Variants in FBXL7 observed in about 807,000 individuals in gnomAD.
FBXL7 encodes the protein F-box/LRR-repeat protein 7.
A neutral mutation model predicts 38.3 loss-of-function variants in FBXL7; 12 were observed. That is an observed-to-expected ratio of 0.31 (90% CI 0.20 to 0.51). The LOEUF (loss-of-function observed/expected upper bound fraction) is 0.51. FBXL7 is among the 20% of genes least tolerant of loss of function. The pLI, the probability that FBXL7 is intolerant of heterozygous loss-of-function variation, is 0.98. For synonymous variants in FBXL7, 297 were observed against 300.9 expected (o/e 0.99, Z 0.13); for missense variants, 567 against 676.4 (o/e 0.84, Z 1.79).
intron 2 of FBXL7, among the ~76,000 whole-genome samples, chr5:15,833,590 T>A (rs1334741224): frequency 6.6e-6 from 1 of 152,202 alleles, no homozygotes; most frequent in Admixed American, 6.5e-5. Flanking sequence ...AAGACTCTCC[T>A]CTCTAAAGCA....
At chr5:15,676,378 T>G (rs1300005203) in intron 2 of FBXL7, among the ~76,000 whole-genome samples, 1 of 152,258 alleles carries the variant, frequency 6.6e-6, no homozygotes, top group East Asian at 1.9e-4. Context: ...CTTTTTGATC[T>G]TTAAAATGCA....
chr5:15,863,813 C>T (rs979160367), intron 2 of FBXL7, among the ~76,000 whole-genome samples: 3 of 152,198 alleles, frequency 2.0e-5, no homozygotes, highest in African/African-American at 7.2e-5. Flanking sequence ...TGCTTCCTCT[C>T]TTTGTATGCT....
At chr5:15,882,442 G>T (rs1740495867) in intron 2 of FBXL7, among the ~76,000 whole-genome samples, 1 of 152,110 alleles carries the variant, frequency 6.6e-6, no homozygotes, top group African/African-American at 2.4e-5. Context: ...TTGGTGTTGG[G>T]GTTGTAGAGC....
At chr5:15,756,398 A>G (rs1736297120) in intron 2 of FBXL7, among the ~76,000 whole-genome samples, 1 of 152,172 alleles carries the variant, frequency 6.6e-6, no homozygotes, top group African/African-American at 2.4e-5. Flanking sequence ...TAAAAATCTT[A>G]CTTACCTCAT....
chr5:15,644,269 G>T (rs1016736991), intron 2 of FBXL7, among the ~76,000 whole-genome samples: 4 of 143,826 alleles, frequency 2.8e-5, no homozygotes, highest in African/African-American at 1.0e-4. Context: ...GACCAGCCTG[G>T]CCAACATGGA....
chr5:15,902,340 T>C (rs866102426), intron 2 of FBXL7, among the ~76,000 whole-genome samples: 1 of 152,210 alleles, frequency 6.6e-6, no homozygotes, highest in Non-Finnish European at 1.5e-5. Flanking sequence ...AAACGTTGCA[T>C]CCGTGTCCAC....
chr5:15,611,514 A>G (rs1740235029), intron 1 of FBXL7, among the ~76,000 whole-genome samples: 1 of 152,134 alleles, frequency 6.6e-6, no homozygotes, highest in South Asian at 2.1e-4. Context: ...AATAATATGT[A>G]TTAAATAAGA....
chr5:15,659,234 T>C (rs2126581794), intron 2 of FBXL7, among the ~76,000 whole-genome samples: 1 of 149,880 alleles, frequency 6.7e-6, no homozygotes, highest in South Asian at 2.1e-4. Flanking sequence ...TGAAAACAAC[T>C]AAAGAAGAAA....
chr5:15,777,159 G>A (rs973627836), intron 2 of FBXL7, among the ~76,000 whole-genome samples: 4 of 152,010 alleles, frequency 2.6e-5, no homozygotes, highest in Non-Finnish European at 5.9e-5. Flanking sequence ...TAAAGAAACT[G>A]AGAAATGGAA....
intron 2 of FBXL7, among the ~76,000 whole-genome samples, chr5:15,845,212 G>A (rs1054432001): frequency 3.9e-5 from 6 of 152,174 alleles, no homozygotes; most frequent in Admixed American, 1.3e-4. Flanking sequence ...CACACATTTG[G>A]ACAATTTCCT....
At chr5:15,884,734 T>G (rs1046482406) in intron 2 of FBXL7, among the ~76,000 whole-genome samples, 2 of 152,184 alleles carry the variant, frequency 1.3e-5, no homozygotes, top group Non-Finnish European at 2.9e-5. Context: ...TGGTATAAAG[T>G]CTTTATTTCA....
At chr5:15,739,149 T>A (rs938933242) in intron 2 of FBXL7, among the ~76,000 whole-genome samples, 1 of 152,184 alleles carries the variant, frequency 6.6e-6, no homozygotes, top group Non-Finnish European at 1.5e-5. Context: ...CATCTTGGCA[T>A]CCACTTCAGC....
chr5:15,771,671 T>C (rs937206677), intron 2 of FBXL7, among the ~76,000 whole-genome samples: 4 of 151,964 alleles, frequency 2.6e-5, no homozygotes, highest in Non-Finnish European at 4.4e-5. Context: ...CAGTCTGACA[T>C]AGTACTATTC....
At chr5:15,653,654 T>C (rs983559229) in intron 2 of FBXL7, among the ~76,000 whole-genome samples, 5 of 152,170 alleles carry the variant, frequency 3.3e-5, no homozygotes, top group Non-Finnish European at 7.4e-5. Flanking sequence ...TTGAGGAGCA[T>C]GATAAAATTA....
chr5:15,817,757 G>T (rs1458714664), intron 2 of FBXL7, among the ~76,000 whole-genome samples: 1 of 152,134 alleles, frequency 6.6e-6, no homozygotes, highest in Non-Finnish European at 1.5e-5. Flanking sequence ...CGCCATGATT[G>T]TGAGGCCTCC....
At chr5:15,633,729 A>G (rs1741072098) in intron 2 of FBXL7, among the ~76,000 whole-genome samples, 1 of 147,236 alleles carries the variant, frequency 6.8e-6, no homozygotes, top group South Asian at 2.1e-4. Flanking sequence ...TTAATCATGT[A>G]GGGACACAGA....
chr5:15,673,321 G>GA (rs1324068564), intron 2 of FBXL7, among the ~76,000 whole-genome samples: 255 of 139,734 alleles, frequency 1.8e-3, no homozygotes, highest in African/African-American at 6.0e-3. Context: ...CATCTAAAAA[G>GA]AAAAAAAAAA....
chr5:15,855,146 A>T, intron 2 of FBXL7, among the ~76,000 whole-genome samples: 1 of 152,124 alleles, frequency 6.6e-6, no homozygotes, highest in East Asian at 1.9e-4. Flanking sequence ...AATCATTATC[A>T]AGGGCCATGG....
intron 2 of FBXL7, among the ~76,000 whole-genome samples, chr5:15,639,611 G>T (rs1358593641): frequency 6.6e-6 from 1 of 151,962 alleles, no homozygotes; most frequent in Admixed American, 6.6e-5. Context: ...TTTATTAGCA[G>T]TGTGAAAACA....
Sources: gnomAD v4.1 joint callset for allele counts (sites outside exome capture counted in the v4.1 genomes callset) on GRCh38, gnomAD v4.1.1 for gene constraint, MANE v1.5 for transcripts, NCBI Gene and HGNC (gene_info 2026-07-23, HGNC 2026-07-21) for gene names.